Variants in RUNX1 observed in about 807,000 individuals in gnomAD.
RUNX1 encodes the protein runt-related transcription factor 1.
RUNX1 carries 19 observed loss-of-function variants against 42.8 expected under a neutral mutation model. That is an observed-to-expected ratio of 0.44 (90% CI 0.31 to 0.65). RUNX1 has a LOEUF of 0.65. Ranked by LOEUF, RUNX1 falls within the 30% of genes least tolerant of loss-of-function variation. RUNX1 has a pLI of 0.07. For missense variants in RUNX1, 528 were observed against 672.0 expected, an observed-to-expected ratio of 0.79 and a Z score of 2.37; for synonymous variants, 271 against 289.4, an observed-to-expected ratio of 0.94 and a Z score of 0.64.
intron 2 of RUNX1, among the ~76,000 whole-genome samples, chr21:35,012,758 T>C (rs1764666571): frequency 1.3e-5 from 2 of 152,010 alleles, no homozygotes; most frequent in Admixed American, 1.3e-4. Context: ...TTACACTTGC[T>C]GTCACAGCAT....
intron 2 of RUNX1, among the ~76,000 whole-genome samples, chr21:34,998,642 C>T (rs1350284071): frequency 1.3e-5 from 2 of 152,024 alleles, no homozygotes; most frequent in Non-Finnish European, 2.9e-5. Context: ...CCCAGGTTCA[C>T]GCCATTCTCC....
chr21:34,867,453 A>G (rs2057678347), intron 5 of RUNX1, among the ~76,000 whole-genome samples: 1 of 151,980 alleles, frequency 6.6e-6, no homozygotes. Flanking sequence ...AAATCAATGA[A>G]TCACTCTGCA....
chr21:34,803,182 T>C (rs903439616), intron 7 of RUNX1, among the ~76,000 whole-genome samples: 8 of 151,760 alleles, frequency 5.3e-5, no homozygotes, highest in African/African-American at 1.5e-4. Context: ...TTTCCAAAGA[T>C]TGGAAATTTG....
At position 34,834,517 on chromosome 21, in the gene RUNX1, C is replaced by T. The variant is rs150042294; in HGVS notation, c.698G>A (p.Arg233His). ...GTGTGGGCTGACCCTCATGGCTGTGCGCCGCAGCTGCTCCAGTTCACTGAG... is the reference window on the plus strand; with the variant it reads ...GTGTGGGCTGACCCTCATGGCTGTGTGCCGCAGCTGCTCCAGTTCACTGAG... ...ERLSELEQLR[R>H]TAMRVSPHHP... Residue 233 changes from arginine (R) to histidine (H), a missense_variant, in exon 7 of 9, where the codon CGC (arginine) becomes CAC (histidine). This residue lies in a region of RUNX1 where 331 missense variants were observed against 382.5 expected (regional missense o/e 0.87). Coordinates refer to ENST00000675419, the MANE Select transcript of RUNX1 (RefSeq NM_001754.5). 121 of 1,612,896 alleles carry T rather than the reference C, an allele frequency of 7.5e-5. No homozygotes were observed. The African/African-American group carries it at 1.2e-3, about 16-fold the overall frequency.
In RUNX1 at chr21:35,003,670, CT is replaced by C. The variant is rs2059063074; in HGVS notation, c.58+45171del. On this transcript the variant is annotated intron_variant, in intron 2 of 8. Transcript: ENST00000675419. ...CACAGCTTTATCTCCAAGCTCAACACTTTGTAATGGCACCTCTTCAAGGCTT... is the reference window on the plus strand; with the variant it reads ...CACAGCTTTATCTCCAAGCTCAACACTTGTAATGGCACCTCTTCAAGGCTT... 4.6e-5 allele frequency among the ~76,000 whole-genome samples: 7 copies of C among 152,188 alleles called. 1 individual carries two copies. In the South Asian group the frequency reaches 1.4e-3, roughly 31 times the overall value.
intron 2 of RUNX1, 127 bp from the exon 3 acceptor site, chr21:34,893,090 GAC>G: frequency 1.2e-5 from 8 of 666,498 alleles, no homozygotes; most frequent in African/African-American, 5.6e-5. Context: ...TTATAGCTTT[GAC>G]ACAAAAATGA....
At chr21:34,964,859 C>G (rs1054605895) in intron 2 of RUNX1, among the ~76,000 whole-genome samples, 3 of 152,176 alleles carry the variant, frequency 2.0e-5, no homozygotes, top group Non-Finnish European at 4.4e-5. Flanking sequence ...TAGACAAGCA[C>G]CAACACCCAC....
At chr21:35,034,309 G>A (rs555335729) in intron 2 of RUNX1, among the ~76,000 whole-genome samples, 7 of 152,314 alleles carry the variant, frequency 4.6e-5, no homozygotes, top group South Asian at 2.1e-4. Context: ...TCTTCACGTC[G>A]GGGACATGGC....
chr21:34,998,780 A>T (rs2059017503), intron 2 of RUNX1, among the ~76,000 whole-genome samples: 1 of 152,142 alleles, frequency 6.6e-6, no homozygotes, highest in East Asian at 1.9e-4. Context: ...TGACCTCGTG[A>T]TCCGCCCGCC....
chr21:34,847,642 G>A (rs1303209959), intron 6 of RUNX1, among the ~76,000 whole-genome samples: 1 of 152,168 alleles, frequency 6.6e-6, no homozygotes, highest in African/African-American at 2.4e-5. Flanking sequence ...CCCAGGGGAA[G>A]CTTCTAGATG....
intron 5 of RUNX1, among the ~76,000 whole-genome samples, chr21:34,873,677 C>T (rs1337577701): frequency 6.6e-6 from 1 of 152,186 alleles, no homozygotes; most frequent in East Asian, 1.9e-4. Context: ...TCGGTGATGT[C>T]AAATGGAGCT....
At chr21:34,882,383 T>G (rs183414114) in intron 4 of RUNX1, among the ~76,000 whole-genome samples, 2 of 152,328 alleles carry the variant, frequency 1.3e-5, no homozygotes, top group African/African-American at 4.8e-5. Context: ...TACACCAGGA[T>G]AATCTAGTCT....
At chr21:34,902,505 A>G (rs1458909121) in intron 2 of RUNX1, among the ~76,000 whole-genome samples, 5 of 152,214 alleles carry the variant, frequency 3.3e-5, no homozygotes, top group Admixed American at 2.0e-4. Context: ...AAATACATAT[A>G]TATTCTATAT....
At chr21:34,891,190 T>TC (rs1263512463) in intron 3 of RUNX1, among the ~76,000 whole-genome samples, 2 of 152,174 alleles carry the variant, frequency 1.3e-5, no homozygotes, top group Non-Finnish European at 2.9e-5. Flanking sequence ...GGAAAGTTGG[T>TC]CCCAGCCTTG....
chr21:35,033,654 C>G (rs549184293), intron 2 of RUNX1, among the ~76,000 whole-genome samples: 1 of 152,174 alleles, frequency 6.6e-6, no homozygotes, highest in South Asian at 2.1e-4. Flanking sequence ...GGAGAAGTGA[C>G]CTCCCAGAGA....
intron 5 of RUNX1, among the ~76,000 whole-genome samples, chr21:34,880,019 T>A (rs2057871333): frequency 6.6e-6 from 1 of 152,198 alleles, no homozygotes; most frequent in Non-Finnish European, 1.5e-5. Flanking sequence ...CATACTGCCA[T>A]CAATGGTACT....
chr21:35,019,557 T>C lies in RUNX1; in HGVS notation c.58+29285A>G, dbSNP rs570353057. 3.3e-5 allele frequency among the ~76,000 whole-genome samples: 5 copies of C among 152,306 alleles called. No homozygotes were observed. The South Asian group carries it at 6.2e-4, about 19-fold the overall frequency. Reference sequence around the variant, plus strand: ...TGCTGAAAAAATTAAAATAATTCAATGATTATCTATATTCGGACAAAGCAT... The same window carrying C: ...TGCTGAAAAAATTAAAATAATTCAACGATTATCTATATTCGGACAAAGCAT... On this transcript the variant is annotated intron_variant, in intron 2 of 8. Transcript: ENST00000675419.
In RUNX1 at chr21:34,885,426, A is replaced by G. The variant is rs567487408; in HGVS notation, c.351+1417T>C. On this transcript the variant is annotated intron_variant, in intron 4 of 8. Transcript: ENST00000675419. The stretch of plus-strand genomic sequence containing the variant: ...CTAAGTAAACGGAGGGAGGGAAAAA[A>G]GAGTCAAGCAAGCCACCACGTTCCT... 2.0e-4 allele frequency among the ~76,000 whole-genome samples: 31 copies of G among 152,334 alleles called. 2 individuals are homozygous for G. In the South Asian group the frequency reaches 6.2e-3, roughly 31 times the overall value.
chr21:34,803,943 T>C (rs2056643859), intron 7 of RUNX1, among the ~76,000 whole-genome samples: 1 of 152,234 alleles, frequency 6.6e-6, no homozygotes, highest in Non-Finnish European at 1.5e-5. Flanking sequence ...CTAGTTTCAG[T>C]TCCAAAATTT....
Sources: allele counts gnomAD v4.1 joint callset (sites outside exome capture counted in the v4.1 genomes callset), GRCh38; gene constraint gnomAD v4.1.1; regional missense constraint gnomAD v4.1.1; transcripts MANE v1.5; gene names NCBI Gene and HGNC (gene_info 2026-07-23, HGNC 2026-07-21).